The following SREBF2 variants were observed in gnomAD, a reference collection of about 807,000 sequenced individuals.
SREBF2 encodes sterol regulatory element binding transcription factor 2, also known as sterol regulatory element-binding protein 2.
Under a neutral mutation model 113.1 loss-of-function variants are expected in SREBF2, and 55 were observed. The observed-to-expected ratio is 0.49, with a 90% CI of 0.39 to 0.61. The LOEUF is 0.61. Ranked by LOEUF, SREBF2 falls within the 20% of genes least tolerant of loss-of-function variation. The probability of loss-of-function intolerance (pLI) is 0.00; values close to 1 mark genes in which losing one functional copy is unlikely to be tolerated. For synonymous variants in SREBF2, 593 were observed against 605.7 expected, an observed-to-expected ratio of 0.98 and a Z score of 0.31; for missense variants, 1,349 against 1,487.4, an observed-to-expected ratio of 0.91 and a Z score of 1.53.
intron 1 of SREBF2, among the ~76,000 whole-genome samples, chr22:41,839,194 G>T (rs1310107193): frequency 6.6e-6 from 1 of 152,172 alleles, no homozygotes; most frequent in African/African-American, 2.4e-5. Context: ...CACTGGGGGA[G>T]TTAGGAGTCA....
intron 1 of SREBF2, among the ~76,000 whole-genome samples, chr22:41,859,799 C>CTT (rs1174473976): frequency 0.066 from 3,585 of 54,398 alleles, 933 homozygotes; most frequent in East Asian, 0.084. Flanking sequence ...TATGGTGATT[C>CTT]TTTTTTTTTT....
chr22:41,882,531 C>A (rs993507968), intron 10 of SREBF2, among the ~76,000 whole-genome samples: 1 of 152,068 alleles, frequency 6.6e-6, no homozygotes, highest in Non-Finnish European at 1.5e-5. Flanking sequence ...GATAGGCCAT[C>A]GCGGTGGCTC....
At chr22:41,846,190 A>AG (rs1367460074) in intron 1 of SREBF2, among the ~76,000 whole-genome samples, 1 of 152,234 alleles carries the variant, frequency 6.6e-6, no homozygotes. Flanking sequence ...GGTGATAAGC[A>AG]GCAGAAACCG....
At position 41,877,507 on chromosome 22, in the gene SREBF2, C is replaced by T. The variant is rs942212652; in HGVS notation, c.1579+86C>T. The T allele has an allele frequency of 1.4e-5, 20 of 1,478,640 alleles. No individual in the cohort carries two copies. In the African/African-American group the frequency reaches 2.5e-4, roughly 19 times the overall value. The allele number at this position is 1,478,640 out of a possible 1,614,324, so 91.6% of individuals were successfully genotyped here. On this transcript the variant is annotated intron_variant, in intron 8 of 18. Coordinates refer to ENST00000361204, the MANE Select transcript of SREBF2 (RefSeq NM_004599.4). Reference sequence around the variant, plus strand: ...CCTGTGTACAAACTTCTTGGCTTGGCTACCAGGTCCCAAAGGGCTTTTATA... The same window carrying T: ...CCTGTGTACAAACTTCTTGGCTTGGTTACCAGGTCCCAAAGGGCTTTTATA...
At chr22:41,901,049 AG>A in intron 16 of SREBF2, 1 of 492,882 alleles carries the variant, frequency 2.0e-6, no homozygotes, top group Non-Finnish European at 4.2e-6. Context: ...CCCTGACTGA[AG>A]GCCCTATCAG....
intron 10 of SREBF2, among the ~76,000 whole-genome samples, chr22:41,881,263 A>C (rs1371858038): frequency 6.6e-6 from 1 of 152,262 alleles, no homozygotes; most frequent in African/African-American, 2.4e-5. Context: ...ATAAGTTGGC[A>C]GTGTTTTTCT....
intron 1 of SREBF2, among the ~76,000 whole-genome samples, chr22:41,842,990 C>CA (rs1030056245): frequency 0.039 from 4,603 of 117,164 alleles, 214 homozygotes; most frequent in African/African-American, 0.13. Context: ...ACGTCCGTCT[C>CA]AAAAAAAAAA....
chr22:41,852,520 G>GT (rs1249571878), intron 1 of SREBF2, among the ~76,000 whole-genome samples: 4 of 151,312 alleles, frequency 2.6e-5, no homozygotes, highest in African/African-American at 9.7e-5. Context: ...TTATTTTTTT[G>GT]TTTTTTCCTC....
intron 1 of SREBF2, among the ~76,000 whole-genome samples, chr22:41,841,625 T>A (rs946592040): frequency 6.6e-5 from 10 of 152,230 alleles, no homozygotes; most frequent in Admixed American, 3.3e-4. Flanking sequence ...TTTGGCATTT[T>A]AAAAAATATA....
Position 41,905,625 on chromosome 22 carries a change from A to C in SREBF2, c.3391A>C (p.Lys1131Gln), listed in dbSNP as rs1355961321. Residue 1131 changes from lysine (K) to glutamine (Q), a missense_variant, in exon 19 of 19, where the codon AAG becomes CAG. This residue lies in a region of SREBF2 where 650 missense variants were observed against 644.1 expected (regional missense o/e 1.01). Coordinates refer to ENST00000361204, the MANE Select transcript of SREBF2 (RefSeq NM_004599.4). ...SCNDCQQMIV[K>Q]LGGGTAIAAS is the part of the protein sequence containing the mutation. The stretch of plus-strand genomic sequence containing the variant: ...CAACGACTGCCAGCAGATGATTGTT[A>C]AGCTGGGTGGTGGCACTGCCATTGC... 9 of 1,596,792 alleles carry C rather than the reference A, an allele frequency of 5.6e-6. No individual in the cohort carries two copies. Among genetic ancestry groups the C allele is most frequent in the Non-Finnish European group, 7.7e-6 (9 of 1,172,706 alleles).
intron 1 of SREBF2, among the ~76,000 whole-genome samples, chr22:41,857,269 A>G (rs2076986109): frequency 6.6e-6 from 1 of 152,110 alleles, no homozygotes; most frequent in African/African-American, 2.4e-5. Context: ...AGCAATGGAA[A>G]GTGGAGCTGC....
chr22:41,905,742 G>GTCA lies in SREBF2; in HGVS notation c.*82_*83insTCA. 6.9e-7 allele frequency: 1 copy of GTCA among 1,445,120 alleles called. No homozygotes were observed. The highest frequency in any genetic ancestry group is 9.5e-7 in the Non-Finnish European group (1 of 1,051,382). 89.5% of individuals were successfully genotyped at this position (1,445,120 alleles called of 1,614,324 possible). A position where few individuals can be genotyped will look rare whatever the true frequency, so the allele number is the denominator to read the frequency against. On this transcript the variant is annotated 3_prime_UTR_variant, in exon 19 of 19. Transcript: ENST00000361204. ...GCATCTTCCCGCTGAGAGTGGTGGG[G>GTCA]AAGAGCCTTGTCTTCTTAGCTGTCA...
chr22:41,894,751 C>T (rs552978087), intron 12 of SREBF2, 69 bp from the exon 13 acceptor site: 1 of 1,362,926 alleles, frequency 7.3e-7, no homozygotes, highest in Non-Finnish European at 1.1e-6. Flanking sequence ...TTTGGAGTTT[C>T]TCTCCGTAAA....
intron 13 of SREBF2, among the ~76,000 whole-genome samples, chr22:41,895,903 G>C (rs2077411959): frequency 6.6e-6 from 1 of 152,026 alleles, no homozygotes; most frequent in Non-Finnish European, 1.5e-5. Flanking sequence ...ACTTTGGGTG[G>C]GAGGCCAAGG....
chr22:41,884,803 G>A, intron 10 of SREBF2, 39 bp from the exon 11 acceptor site: 2 of 1,613,474 alleles, frequency 1.2e-6, no homozygotes, highest in Non-Finnish European at 1.7e-6. Flanking sequence ...TTGGTTTTGG[G>A]GCTCCATCAA....
chr22:41,896,233 C>G (rs1021361913), intron 13 of SREBF2, among the ~76,000 whole-genome samples: 3 of 152,170 alleles, frequency 2.0e-5, no homozygotes, highest in Admixed American at 2.0e-4. Flanking sequence ...GACCCAGCCC[C>G]TCATGGAATG....
At chr22:41,893,072 C>T (rs753133958) in intron 11 of SREBF2, 45 bp from the exon 12 acceptor site, 4 of 1,608,170 alleles carry the variant, frequency 2.5e-6, no homozygotes, top group South Asian at 1.1e-5. Context: ...CTGCAGCCAG[C>T]ATTCTGCCAC....
chr22:41,846,081 C>A (rs986751898), intron 1 of SREBF2, among the ~76,000 whole-genome samples: 1 of 152,308 alleles, frequency 6.6e-6, no homozygotes, highest in East Asian at 1.9e-4. Context: ...TTTGTGTAGA[C>A]CACACTCTTG....
At chr22:41,883,545 G>T (rs1241708923) in intron 10 of SREBF2, among the ~76,000 whole-genome samples, 1 of 152,194 alleles carries the variant, frequency 6.6e-6, no homozygotes, top group African/African-American at 2.4e-5. Context: ...AAATTCTGGA[G>T]AATTCCAGCT....
Sources: allele counts gnomAD v4.1 joint callset (sites outside exome capture counted in the v4.1 genomes callset), GRCh38; gene constraint gnomAD v4.1.1; regional missense constraint gnomAD v4.1.1; transcripts MANE v1.5; gene names NCBI Gene and HGNC (gene_info 2026-07-23, HGNC 2026-07-21).